The following LMNA variants were observed in gnomAD, a reference collection of about 807,000 sequenced individuals.
LMNA encodes the protein lamin A/C, also known as lamin.
LMNA carries 20 observed loss-of-function variants against 70.4 expected under a neutral mutation model. That is an observed-to-expected ratio of 0.28 (90% CI 0.20 to 0.41). LMNA has a LOEUF of 0.41. Among genes scored for constraint, LMNA ranks in the 10% least tolerant of loss-of-function variants. The probability of loss-of-function intolerance (pLI) is 1.00; values close to 1 mark genes in which losing one functional copy is unlikely to be tolerated. For synonymous variants in LMNA, 339 were observed against 372.8 expected (o/e 0.91, Z 1.04); for missense variants, 652 against 917.2 (o/e 0.71, Z 3.73).
chr1:156,105,628 A>G (rs929497400), intron 3 of LMNA, among the ~76,000 whole-genome samples: 1 of 152,190 alleles, frequency 6.6e-6, no homozygotes, highest in African/African-American at 2.4e-5. Flanking sequence ...CAGGGAGCAA[A>G]GGAAAGTGAA....
intron 3 of LMNA, among the ~76,000 whole-genome samples, chr1:156,102,162 C>G (rs936602885): frequency 1.3e-5 from 2 of 152,204 alleles, no homozygotes; most frequent in Non-Finnish European, 2.9e-5. Flanking sequence ...CTCCCCAGCC[C>G]AAAGGGAGGA....
chr1:156,123,898 G>A (rs1281370118), intron 1 of LMNA, among the ~76,000 whole-genome samples: 5 of 152,184 alleles, frequency 3.3e-5, no homozygotes, highest in Non-Finnish European at 7.3e-5. Flanking sequence ...TTCTACTGGA[G>A]TTGCGTCTGA....
intron 2 of LMNA, chr1:156,083,757 C>G (rs1190844747): frequency 6.6e-6 from 1 of 152,114 alleles, no homozygotes; most frequent in Admixed American, 6.6e-5. Flanking sequence ...GAGTCTAGAT[C>G]GCAGAGTGAG....
Position 156,135,228 on chromosome 1 carries a change from G to C in LMNA, c.852G>C (p.Leu284=), listed in dbSNP as rs1273837882. ...ARQSAERNSN[L]VGAAHEELQQ... is the part of the protein sequence containing the mutation. ...AGTCTGCTGAGAGGAACAGCAACCT[G>C]GTGGGGGCTGCCCACGAGGAGCTGC... Residue 284 remains leucine, a synonymous_variant, in exon 5 of 12, where the codon CTG becomes CTC. Coordinates refer to ENST00000368300, the MANE Select transcript of LMNA (RefSeq NM_170707.4). This position sits in a 1 kb window ranked among gnomAD's most constrained non-coding sequence, Gnocchi z 4.8. 1 of 1,613,894 alleles carries C rather than the reference G, an allele frequency of 6.2e-7. No individual in the cohort carries two copies. Among genetic ancestry groups the C allele is most frequent in the Non-Finnish European group, 8.5e-7 (1 of 1,180,022 alleles).
At chr1:156,084,244 C>A (rs138130536) in intron 2 of LMNA, among the ~76,000 whole-genome samples, 2,073 of 149,522 alleles carry the variant, frequency 0.014, 16 homozygotes, top group South Asian at 0.019. Context: ...GCTGTTTAGT[C>A]CAGTTCCCTA....
At chr1:156,131,074 A>G (rs953694577) in intron 2 of LMNA, among the ~76,000 whole-genome samples, 3 of 152,052 alleles carry the variant, frequency 2.0e-5, no homozygotes, top group African/African-American at 7.2e-5. Flanking sequence ...GATCGAGATC[A>G]TCCTGACTAA....
chr1:156,127,817 G>A (rs1013556637), intron 1 of LMNA, among the ~76,000 whole-genome samples: 7 of 151,698 alleles, frequency 4.6e-5, no homozygotes, highest in African/African-American at 1.7e-4. Flanking sequence ...CTCCCAAGTT[G>A]CTGGGACTAT....
chr1:156,094,959 C>G (rs2102793404), intron 3 of LMNA, among the ~76,000 whole-genome samples: 1 of 147,242 alleles, frequency 6.8e-6, no homozygotes, highest in East Asian at 2.0e-4. Context: ...CGGAGTCTTG[C>G]TCTGTCGCCC....
chr1:156,087,099 A>AGGGCCCTT (rs1648507558), intron 2 of LMNA, among the ~76,000 whole-genome samples: 1 of 152,072 alleles, frequency 6.6e-6, no homozygotes. Context: ...GCTGCCACCA[A>AGGGCCCTT]GGCTGCCTTA....
chr1:156,088,071 C>G (rs750922828), intron 2 of LMNA, among the ~76,000 whole-genome samples: 48 of 151,918 alleles, frequency 3.2e-4, no homozygotes, highest in Non-Finnish European at 6.2e-4. Flanking sequence ...AGGGTTTCAA[C>G]ATGTTGGCCA....
rs553091285 is a variant in LMNA, at chr1:156,138,834, C to G, written c.1968+77C>G. 1.9e-6 allele frequency: 3 copies of G among 1,582,962 alleles called. No homozygotes were observed. The highest frequency in any genetic ancestry group is 2.7e-5 in the African/African-American group (2 of 74,216). ...CGAGGGGTAGGACGAGGTGGCCTTG[C>G]AGGGGGGAGAGCCTGCCTTCTCTTC... On this transcript the variant is annotated intron_variant, in intron 11 of 11. Coordinates refer to ENST00000368300, the MANE Select transcript of LMNA (RefSeq NM_170707.4). The surrounding 1 kb of genome is among the most constrained non-coding windows in gnomAD (Gnocchi z 5.5).
In LMNA at chr1:156,136,289, T is replaced by G. The variant is rs1572364098; in HGVS notation, c.1233T>G (p.Gly411=). ...CCTCTCACTCATCCCAGACACAGGG[T>G]GGGGGCAGCGTCACCAAAAAGCGCA... ...RASSHSSQTQ[G]GGSVTKKRKL... is the part of the protein sequence containing the mutation. Residue 411 remains glycine (G), a synonymous_variant, in exon 7 of 12, where the codon GGT becomes GGG. Coordinates refer to ENST00000368300, the MANE Select transcript of LMNA (RefSeq NM_170707.4). This position sits in a 1 kb window ranked among gnomAD's most constrained non-coding sequence, Gnocchi z 6.1. 1 of 1,611,618 alleles carries G rather than the reference T, an allele frequency of 6.2e-7. No homozygotes were observed. Among genetic ancestry groups the G allele is most frequent in the Non-Finnish European group, 8.5e-7 (1 of 1,179,950 alleles).
At chr1:156,113,027 G>A (rs1182530407), upstream of LMNA, among the ~76,000 whole-genome samples, 1 of 152,148 alleles carries the variant, frequency 6.6e-6, no homozygotes, top group African/African-American at 2.4e-5. Flanking sequence ...GGGCATGGTG[G>A]CTCACATCTG....
chr1:156,122,963 C>T (rs971249397), intron 1 of LMNA, among the ~76,000 whole-genome samples: 1 of 152,182 alleles, frequency 6.6e-6, no homozygotes, highest in Admixed American at 6.5e-5. Context: ...GAGAGGAAGC[C>T]GGAATCCTGC....
intron 2 of LMNA, among the ~76,000 whole-genome samples, chr1:156,133,945 A>T (rs1015977262): frequency 3.3e-5 from 5 of 152,082 alleles, no homozygotes; most frequent in Non-Finnish European, 5.9e-5. Context: ...ATGTCCCCTC[A>T]GTACTTTGCA....
chr1:156,098,298 C>T (rs1177645978), intron 3 of LMNA, among the ~76,000 whole-genome samples: 1 of 152,142 alleles, frequency 6.6e-6, no homozygotes, highest in Non-Finnish European at 1.5e-5. Flanking sequence ...TCTGAGGTCA[C>T]AGAGCAAGTT....
In LMNA at chr1:156,136,230, A is replaced by C; in HGVS notation, c.1174A>C (p.Ser392Arg). The stretch of plus-strand genomic sequence containing the variant: ...TCTCCCCAGGCTACGCCTGTCCCCC[A>C]GCCCTACCTCGCAGCGCAGCCGTGG... ...GEEERLRLSP[S>R]PTSQRSRGRA... Residue 392 changes from serine to arginine, a missense_variant, in exon 7 of 12, where the codon AGC (serine) becomes CGC (arginine). This residue lies in a region of LMNA where 327 missense variants were observed against 387.6 expected (regional missense o/e 0.84). Coordinates refer to ENST00000368300, the MANE Select transcript of LMNA (RefSeq NM_170707.4). This position sits in a 1 kb window ranked among gnomAD's most constrained non-coding sequence, Gnocchi z 6.1. 1 of 1,612,482 alleles carries C rather than the reference A, an allele frequency of 6.2e-7. No individual in the cohort carries two copies. Among genetic ancestry groups the C allele is most frequent in the Non-Finnish European group, 8.5e-7 (1 of 1,180,020 alleles).
At chr1:156,108,330 T>G (rs537220674) in intron 3 of LMNA, among the ~76,000 whole-genome samples, 40 of 152,184 alleles carry the variant, frequency 2.6e-4, no homozygotes, top group African/African-American at 9.4e-4. Context: ...TATAAAGAGA[T>G]TCCCAAACCA....
rs1220976885 is a variant in LMNA at position 156,115,386 on chromosome 1, G to A, written c.356+112G>A. On this transcript the variant is annotated intron_variant, in intron 1 of 11. Transcript: ENST00000368300. This position sits in a 1 kb window ranked among gnomAD's most constrained non-coding sequence, Gnocchi z 5.8. ...AGAGGGCCTGGAGGCCGATAACTTT[G>A]CCATAGTCTCCTCCCTCCCCGGAAC... 9.3e-6 allele frequency: 9 copies of A among 964,540 alleles called. No individual in the cohort carries two copies. Among genetic ancestry groups the A allele is most frequent in the Non-Finnish European group, 1.4e-5 (9 of 627,718 alleles). 59.7% of individuals were successfully genotyped at this position (964,540 alleles called of 1,614,324 possible). A position where few individuals can be genotyped will look rare whatever the true frequency, so the allele number is the denominator to read the frequency against.
Sources: allele counts gnomAD v4.1 joint callset (sites outside exome capture counted in the v4.1 genomes callset), GRCh38; gene constraint gnomAD v4.1.1; regional missense constraint gnomAD v4.1.1; non-coding constraint Gnocchi (gnomAD v3.1); transcripts MANE v1.5; gene names NCBI Gene and HGNC (gene_info 2026-07-23, HGNC 2026-07-21).